ARHGEF7: variants seen among roughly 807,000 people sequenced by gnomAD.
ARHGEF7 encodes Rho guanine nucleotide exchange factor 7.
ARHGEF7 carries 33 observed loss-of-function variants against 109.8 expected under a neutral mutation model. The ratio of observed to expected loss-of-function variants is 0.30; its 90% confidence interval spans 0.23 to 0.40. The LOEUF (loss-of-function observed/expected upper bound fraction) is 0.40, where lower values mean the gene tolerates loss of function less well. Among genes scored for constraint, ARHGEF7 ranks in the 10% least tolerant of loss-of-function variants. ARHGEF7 has a pLI of 1.00. For synonymous variants in ARHGEF7, 458 were observed against 424.6 expected (o/e 1.08, Z -0.97); for missense variants, 938 against 1,098.5 (o/e 0.85, Z 2.07).
rs964517732 is a variant in ARHGEF7 at position 111,228,539 on chromosome 13, G to A, written c.671-4666G>A. On this transcript the variant is annotated intron_variant, in intron 5 of 21. Coordinates refer to ENST00000646102, the MANE Select transcript of ARHGEF7 (RefSeq NM_001354046.2). The surrounding 1 kb of genome is among the most constrained non-coding windows in gnomAD (Gnocchi z 4.6). The stretch of plus-strand genomic sequence containing the variant: ...AAGAGTCTATACGTGGTCATTCTCT[G>A]TATGTTTATGTATATTTTTAAGTTT... Among the ~76,000 whole-genome samples, 2 of 152,144 alleles carry A rather than the reference G, an allele frequency of 1.3e-5. No individual in the cohort carries two copies. The highest frequency in any genetic ancestry group is 2.9e-5 in the Non-Finnish European group (2 of 68,028).
intron 6 of ARHGEF7, among the ~76,000 whole-genome samples, chr13:111,237,291 T>C (rs1482535189): frequency 6.6e-6 from 1 of 152,200 alleles, no homozygotes; most frequent in African/African-American, 2.4e-5. Flanking sequence ...GGAAAGGTTG[T>C]GAACAATTTA....
At chr13:111,162,275 TA>T (rs2076808020) in intron 2 of ARHGEF7, among the ~76,000 whole-genome samples, 1 of 152,248 alleles carries the variant, frequency 6.6e-6, no homozygotes, top group Non-Finnish European at 1.5e-5. Context: ...CACAGTGCTT[TA>T]TATTTCTGGG....
chr13:111,132,242 T>C (rs888739593), intron 1 of ARHGEF7, among the ~76,000 whole-genome samples: 2 of 152,350 alleles, frequency 1.3e-5, no homozygotes, highest in Admixed American at 6.5e-5. Context: ...TGGATGCATC[T>C]GGTGGTTTAA....
intron 12 of ARHGEF7, 108 bp from the exon 13 acceptor site, chr13:111,277,479 T>C (rs1278900776): frequency 1.5e-6 from 1 of 662,934 alleles, no homozygotes; most frequent in Non-Finnish European, 2.6e-6. Context: ...ACGAGAAATA[T>C]CATGTAATGT....
chr13:111,195,857 G>A (rs763965455), intron 2 of ARHGEF7, among the ~76,000 whole-genome samples: 2 of 152,136 alleles, frequency 1.3e-5, no homozygotes, highest in Non-Finnish European at 2.9e-5. Flanking sequence ...TCTGTCTGAG[G>A]GCCATGACTA....
rs180812088 is a variant in ARHGEF7 at position 111,273,369 on chromosome 13, G to A, written c.1074-445G>A. On this transcript the variant is annotated intron_variant, in intron 9 of 21. Transcript: ENST00000646102. The surrounding 1 kb of genome is among the most constrained non-coding windows in gnomAD (Gnocchi z 4.5). ...CATAGGTGGGGCCTGCTCGCTGGAC[G>A]AACTCGCATCTGGGGATGACTACCA... Among the ~76,000 whole-genome samples, 20 of 152,346 alleles carry A rather than the reference G, an allele frequency of 1.3e-4. No homozygotes were observed. The highest frequency in any genetic ancestry group is 3.8e-4 in the African/African-American group (16 of 41,590).
chr13:111,237,545 A>G (rs2087001619), intron 6 of ARHGEF7, among the ~76,000 whole-genome samples: 2 of 152,220 alleles, frequency 1.3e-5, no homozygotes, highest in South Asian at 4.1e-4. Flanking sequence ...CTTGAAATCC[A>G]TTCCAGAGAA....
intron 2 of ARHGEF7, among the ~76,000 whole-genome samples, chr13:111,194,161 G>A (rs889312898): frequency 7.2e-5 from 11 of 152,180 alleles, no homozygotes; most frequent in Non-Finnish European, 1.0e-4. Context: ...GTATGCCACC[G>A]GTTGTGGGGT....
intron 1 of ARHGEF7, among the ~76,000 whole-genome samples, chr13:111,132,602 T>C (rs1171954061): frequency 6.6e-6 from 1 of 152,218 alleles, no homozygotes; most frequent in Non-Finnish European, 1.5e-5. Context: ...ACTTTTTCTT[T>C]CCCTTTAGAA....
intron 2 of ARHGEF7, among the ~76,000 whole-genome samples, chr13:111,168,714 G>C (rs2077331985): frequency 6.6e-6 from 1 of 152,220 alleles, no homozygotes; most frequent in Admixed American, 6.5e-5. Flanking sequence ...TTTGAAGCTT[G>C]AGAGATGATT....
intron 19 of ARHGEF7, among the ~76,000 whole-genome samples, chr13:111,300,464 TC>T (rs1279779913): frequency 6.6e-6 from 1 of 152,172 alleles, no homozygotes; most frequent in Non-Finnish European, 1.5e-5. Context: ...TTTAACTTCC[TC>T]CCTGTTGAAA....
rs9515379 is a variant in ARHGEF7 at position 111,131,107 on chromosome 13, A to G, written c.165+15416A>G. On this transcript the variant is annotated intron_variant, in intron 1 of 21. Transcript: ENST00000646102. The surrounding 1 kb of genome is among the most constrained non-coding windows in gnomAD (Gnocchi z 4.4). ...GTGCTTTGAAAACAATACTCTAGCC[A>G]TAGCGTGGAGAACAGATGAAATGAG... Among the ~76,000 whole-genome samples, 25,407 of 152,182 alleles carry G rather than the reference A, an allele frequency of 0.17. 2,281 individuals carry two copies. The highest frequency in any genetic ancestry group is 0.22 in the Admixed American group (3,425 of 15,290).
chr13:111,126,921 A>G, intron 1 of ARHGEF7, among the ~76,000 whole-genome samples: 1 of 152,226 alleles, frequency 6.6e-6, no homozygotes, highest in South Asian at 2.1e-4. Context: ...AAGTAGTAGG[A>G]GAAAGAGAAT....
chr13:111,223,309 G>A (rs1308295911), intron 5 of ARHGEF7, among the ~76,000 whole-genome samples: 1 of 152,172 alleles, frequency 6.6e-6, no homozygotes, highest in Non-Finnish European at 1.5e-5. Context: ...AAACAAAATT[G>A]TGCCAGGTTC....
At chr13:111,268,812 A>AT (rs1383647067) in intron 9 of ARHGEF7, among the ~76,000 whole-genome samples, 1 of 152,248 alleles carries the variant, frequency 6.6e-6, no homozygotes, top group Non-Finnish European at 1.5e-5. Context: ...TGAACGCACC[A>AT]AATGCTCAGT....
chr13:111,283,617 C>T (rs1043218383), intron 16 of ARHGEF7, among the ~76,000 whole-genome samples: 8 of 152,278 alleles, frequency 5.3e-5, no homozygotes, highest in South Asian at 4.1e-4. Context: ...CTGCACTTGC[C>T]GGAGGAGTGT....
chr13:111,163,644 A>G (rs2076910807), intron 2 of ARHGEF7, among the ~76,000 whole-genome samples: 1 of 152,086 alleles, frequency 6.6e-6, no homozygotes, highest in Non-Finnish European at 1.5e-5. Context: ...GGTTCACTGC[A>G]GCCCCCACCC....
At chr13:111,184,172 C>T (rs1247605747) in intron 2 of ARHGEF7, among the ~76,000 whole-genome samples, 1 of 152,174 alleles carries the variant, frequency 6.6e-6, no homozygotes, top group Admixed American at 6.5e-5. Context: ...CCTGCTTTGC[C>T]TGGCACTCAT....
chr13:111,211,715 G>A (rs996869668), intron 4 of ARHGEF7, among the ~76,000 whole-genome samples: 1 of 152,098 alleles, frequency 6.6e-6, no homozygotes, highest in Non-Finnish European at 1.5e-5. Context: ...GTAGTTTATC[G>A]ATAGCACTTT....
Sources: gnomAD v4.1 joint callset for allele counts (sites outside exome capture counted in the v4.1 genomes callset) on GRCh38, gnomAD v4.1.1 for gene constraint, Gnocchi (gnomAD v3.1) non-coding constraint, MANE v1.5 for transcripts, NCBI Gene and HGNC (gene_info 2026-07-23, HGNC 2026-07-21) for gene names.